PHRF1: variants seen among roughly 807,000 people sequenced by gnomAD.
PHRF1 encodes PHD and ring finger domains 1, also known as PHD and RING finger domain-containing protein 1.
PHRF1 carries 53 observed loss-of-function variants against 128.9 expected under a neutral mutation model. The ratio of observed to expected loss-of-function variants is 0.41; its 90% CI spans 0.33 to 0.52. The LOEUF (loss-of-function observed/expected upper bound fraction) is 0.52, where lower values mean the gene tolerates loss of function less well. PHRF1 is among the 20% of genes least tolerant of loss of function. The pLI, the probability that PHRF1 is intolerant of heterozygous loss-of-function variation, is 0.21. For synonymous variants in PHRF1, 1,178 were observed against 980.6 expected (o/e 1.20, Z -3.76); for missense variants, 2,503 against 2,284.5 (o/e 1.10, Z -1.95).
chr11:582,674 G>A (rs1353261566), intron 3 of PHRF1, among the ~76,000 whole-genome samples: 2 of 151,716 alleles, frequency 1.3e-5, no homozygotes, highest in African/African-American at 2.4e-5. Flanking sequence ...ACAGGCGCCC[G>A]CCACCAAGCC....
At chr11:594,463 A>T (rs1320838108) in intron 6 of PHRF1, among the ~76,000 whole-genome samples, 1 of 152,184 alleles carries the variant, frequency 6.6e-6, no homozygotes, top group African/African-American at 2.4e-5. Flanking sequence ...TCCGTCATCC[A>T]GGCTGGAGTG....
intron 4 of PHRF1, among the ~76,000 whole-genome samples, chr11:590,894 G>A (rs1400741683): frequency 6.6e-6 from 1 of 152,068 alleles, no homozygotes; most frequent in Non-Finnish European, 1.5e-5. Context: ...GTAGAGGCGG[G>A]GTTTCTCTGT....
intron 4 of PHRF1, among the ~76,000 whole-genome samples, chr11:588,996 C>T (rs753324606): frequency 1.3e-5 from 2 of 151,880 alleles, no homozygotes; most frequent in Non-Finnish European, 2.9e-5. Context: ...ATTATCCGGG[C>T]GTGGTACCAC....
At chr11:606,224 G>A (rs7940747) in intron 12 of PHRF1, among the ~76,000 whole-genome samples, 1 of 152,222 alleles carries the variant, frequency 6.6e-6, no homozygotes, top group Non-Finnish European at 1.5e-5. Context: ...GGTTTCCCTG[G>A]GGCCAGAGCT....
intron 11 of PHRF1, 36 bp downstream of exon 11, chr11:605,336 G>T (rs762565784): frequency 6.2e-6 from 10 of 1,602,756 alleles, no homozygotes; most frequent in Admixed American, 3.4e-5. Flanking sequence ...CTGGGCACCC[G>T]CTCCTCTCCC....
At chr11:587,011 A>T (rs1337885212) in intron 3 of PHRF1, among the ~76,000 whole-genome samples, 5 of 152,098 alleles carry the variant, frequency 3.3e-5, no homozygotes, top group Admixed American at 1.3e-4. Context: ...CTGGTCTGGC[A>T]CTCAGGACGC....
Position 576,526 on chromosome 11 carries a change from G to A in PHRF1, c.-88G>A, listed in dbSNP as rs529147641. On this transcript the variant is annotated 5_prime_UTR_variant, in exon 1 of 18. Coordinates refer to ENST00000264555, the MANE Select transcript of PHRF1 (RefSeq NM_001286581.2). Reference sequence around the variant, plus strand: ...GCAGAGGCGGCGGCGGCCGGGCCTAGGAGCGACTCTCGGTCGTGCAGCGGC... The same window carrying A: ...GCAGAGGCGGCGGCGGCCGGGCCTAAGAGCGACTCTCGGTCGTGCAGCGGC... 7 of 153,192 alleles carry A rather than the reference G, an allele frequency of 4.6e-5. No homozygotes were observed. The highest frequency in any genetic ancestry group is 2.0e-4 in the Admixed American group (3 of 15,290). The allele number at this position is 153,192 out of a possible 1,614,324, so 9.5% of individuals were successfully genotyped here.
intron 15 of PHRF1, 34 bp downstream of exon 15, chr11:610,381 G>C (rs1403260139): frequency 6.5e-7 from 1 of 1,540,068 alleles, no homozygotes; most frequent in Non-Finnish European, 8.8e-7. Context: ...GTGGGCCGTG[G>C]GCAGTGGCCT....
In PHRF1 at chr11:582,029, A is replaced by G. The variant is rs1196362243; in HGVS notation, c.162A>G (p.Thr54=). Residue 54 remains threonine (T), a synonymous_variant, in exon 3 of 18, where the codon ACA becomes ACG. Coordinates refer to ENST00000264555, the MANE Select transcript of PHRF1 (RefSeq NM_001286581.2). Reference sequence around the variant, plus strand: ...GTGACAGCGAGCATGGAGATGGCACAGACGGAGAAGACGAGGGGGCGTCTG... The same window carrying G: ...GTGACAGCGAGCATGGAGATGGCACGGACGGAGAAGACGAGGGGGCGTCTG... The part of the protein sequence containing the change: ...DDSDSEHGDG[T]DGEDEGASEE... 1 of 1,607,378 alleles carries G rather than the reference A, an allele frequency of 6.2e-7. No individual in the cohort carries two copies. The highest frequency in any genetic ancestry group is 1.3e-5 in the African/African-American group (1 of 74,866).
intron 3 of PHRF1, among the ~76,000 whole-genome samples, chr11:584,774 G>A (rs1177008802): frequency 1.0e-5 from 1 of 97,538 alleles, no homozygotes; most frequent in African/African-American, 4.1e-5. Context: ...TTTCACTCTT[G>A]TTGCCCAGGC....
Position 605,208 on chromosome 11 carries a change from A to C in PHRF1, c.1242A>C (p.Pro414=), listed in dbSNP as rs1009923955. The change falls in exon 11 of 18, where the codon CCA becomes CCC. Residue 414 remains proline (P), a synonymous_variant. Coordinates refer to ENST00000264555, the MANE Select transcript of PHRF1 (RefSeq NM_001286581.2). ...GCTGCATCCCGTCAGTGTTGAAGCC[A>C]GTGGAGCCCTCTTTGGGGCTGCTGA... ...HSSCIPSVLK[P]VEPSLGLLRA... 2 of 1,613,430 alleles carry C rather than the reference A, an allele frequency of 1.2e-6. No individual in the cohort carries two copies. The highest frequency in any genetic ancestry group is 1.7e-6 in the Non-Finnish European group (2 of 1,179,880).
Position 605,123 on chromosome 11 carries a change from A to C in PHRF1, c.1157A>C (p.Glu386Ala), listed in dbSNP as rs777599565. 3.1e-6 allele frequency: 5 copies of C among 1,607,400 alleles called. No homozygotes were observed. In the African/African-American group the frequency reaches 6.7e-5, roughly 21 times the overall value. ...TTTCTTTGTTACTGGATTCAGAGTGAAGCCACCACTCGCTCTCGAATCGCG... is the reference window on the plus strand; with the variant it reads ...TTTCTTTGTTACTGGATTCAGAGTGCAGCCACCACTCGCTCTCGAATCGCG... Reference protein sequence around the residue: ...KKRRGKKVKSEATTRSRIART... With the variant: ...KKRRGKKVKSAATTRSRIART... Residue 386 changes from glutamate (E) to alanine (A), a missense_variant, in exon 11 of 18, where the codon GAA (glutamate) becomes GCA (alanine). Glu to Ala is a moderately radical substitution (Grantham distance 107). Coordinates refer to ENST00000264555, the MANE Select transcript of PHRF1 (RefSeq NM_001286581.2).
intron 6 of PHRF1, among the ~76,000 whole-genome samples, chr11:592,929 C>G (rs147716183): frequency 2.9e-4 from 44 of 152,354 alleles, no homozygotes; most frequent in African/African-American, 1.0e-3. Context: ...AAGAAAACAG[C>G]CGGACAGGAG....
At position 591,480 on chromosome 11, in the gene PHRF1, G is replaced by A. The variant is rs145216464; in HGVS notation, c.504+13G>A. ...AATCTTAAGAAAGGTGAGTGTGGAC[G>A]CTGCCGTGGAGGCCCCAGCCGTGCT... On this transcript the variant is annotated intron_variant, in intron 5 of 17. Coordinates refer to ENST00000264555, the MANE Select transcript of PHRF1 (RefSeq NM_001286581.2). 2.1e-4 allele frequency: 341 copies of A among 1,596,862 alleles called. 2 individuals carry two copies. In the East Asian group the frequency reaches 7.3e-3, roughly 34 times the overall value.
chr11:594,890 C>T, intron 6 of PHRF1, among the ~76,000 whole-genome samples: 1 of 134,624 alleles, frequency 7.4e-6, no homozygotes, highest in East Asian at 2.0e-4. Context: ...AATTACTTGG[C>T]AGATAAAACA....
intron 11 of PHRF1, 42 bp downstream of exon 11, chr11:605,342 C>G (rs774111064): frequency 1.4e-5 from 23 of 1,601,634 alleles, no homozygotes; most frequent in Non-Finnish European, 1.8e-5. Flanking sequence ...ACCCGCTCCT[C>G]TCCCTGGGGG....
chr11:602,548 G>C (rs1201330218), intron 10 of PHRF1, among the ~76,000 whole-genome samples: 2 of 151,874 alleles, frequency 1.3e-5, no homozygotes, highest in Non-Finnish European at 2.9e-5. Context: ...TGGGTGTGGT[G>C]GCAGGCACCT....
In PHRF1 at chr11:591,377, C is replaced by T. The variant is rs1336621633; in HGVS notation, c.421-7C>T. The T allele has an allele frequency of 6.2e-7, 1 of 1,601,956 alleles. No individual in the cohort carries two copies. The highest frequency in any genetic ancestry group is 8.5e-7 in the Non-Finnish European group (1 of 1,173,486). On this transcript the variant is annotated splice_region_variant and splice_polypyrimidine_tract_variant and intron_variant, in intron 4 of 17. Coordinates refer to ENST00000264555, the MANE Select transcript of PHRF1 (RefSeq NM_001286581.2). ...CAAGATTCTGATCCTGTTTTTATTT[C>T]TCACAGAATGCCAATTCCTGTCCAG...
chr11:606,072 G>T (rs983856304), intron 12 of PHRF1, among the ~76,000 whole-genome samples: 2 of 152,254 alleles, frequency 1.3e-5, no homozygotes, highest in African/African-American at 4.8e-5. Flanking sequence ...TCACCTTTTG[G>T]CCAGTTCTTT....
Sources: allele counts gnomAD v4.1 joint callset (sites outside exome capture counted in the v4.1 genomes callset), GRCh38; gene constraint gnomAD v4.1.1; transcripts MANE v1.5; gene names NCBI Gene and HGNC (gene_info 2026-07-23, HGNC 2026-07-21).